Variants in RTN1 observed in about 807,000 individuals in gnomAD.
The protein encoded by RTN1 is reticulon 1, also known as reticulon-1.
RTN1 carries 25 observed loss-of-function variants against 65.5 expected under a neutral mutation model. The ratio of observed to expected loss-of-function variants is 0.38; its 90% CI spans 0.28 to 0.53. The LOEUF (loss-of-function observed/expected upper bound fraction) is 0.53, where lower values mean the gene tolerates loss of function less well. RTN1 is among the 20% of genes least tolerant of loss of function. The pLI, the probability that RTN1 is intolerant of heterozygous loss-of-function variation, is 0.79. For synonymous variants in RTN1, 471 were observed against 447.6 expected (o/e 1.05, Z -0.66); for missense variants, 983 against 1,025.4 (o/e 0.96, Z 0.57).
intron 1 of RTN1, among the ~76,000 whole-genome samples, chr14:59,812,375 T>C (rs1468702255): frequency 6.6e-6 from 1 of 152,142 alleles, no homozygotes; most frequent in Non-Finnish European, 1.5e-5. Context: ...GGTTAAGAAA[T>C]ACATAAATAT....
chr14:59,797,637 T>C (rs1886464350), intron 1 of RTN1, among the ~76,000 whole-genome samples: 1 of 152,206 alleles, frequency 6.6e-6, no homozygotes, highest in Non-Finnish European at 1.5e-5. Context: ...ACTAAATATC[T>C]GCCCTTGTGA....
chr14:59,684,023 T>G (rs1883796835), intron 3 of RTN1, among the ~76,000 whole-genome samples: 1 of 152,078 alleles, frequency 6.6e-6, no homozygotes, highest in Non-Finnish European at 1.5e-5. Flanking sequence ...TAAAGTTTTC[T>G]AATGACCAAG....
chr14:59,609,215 G>A (rs1483826544), intron 3 of RTN1, among the ~76,000 whole-genome samples: 1 of 151,728 alleles, frequency 6.6e-6, no homozygotes, highest in East Asian at 1.9e-4. Context: ...AACCCAGGAG[G>A]CAGAGGTTGT....
At chr14:59,684,706 T>G (rs989454415) in intron 3 of RTN1, among the ~76,000 whole-genome samples, 1 of 152,140 alleles carries the variant, frequency 6.6e-6, no homozygotes. Context: ...CTTGAGATTT[T>G]TTTTATATGG....
Position 59,766,093 on chromosome 14 carries a change from G to C in RTN1, c.242-19612C>G, listed in dbSNP as rs1469784043. Among the ~76,000 whole-genome samples the C allele has an allele frequency of 6.6e-6, 1 of 152,156 alleles. No homozygotes were observed. The highest frequency in any genetic ancestry group is 2.1e-4 in the South Asian group (1 of 4,826). ...AAAAATACAAAAATTAGTCGGGCTT[G>C]GTGGTACACACTTGTAGTCCCAGCT... On this transcript the variant is annotated intron_variant, in intron 1 of 8. Coordinates refer to ENST00000267484, the MANE Select transcript of RTN1 (RefSeq NM_021136.3). This position sits in a 1 kb window ranked among gnomAD's most constrained non-coding sequence, Gnocchi z 4.4.
chr14:59,643,441 G>A lies in RTN1; in HGVS notation c.1766-35949C>T, dbSNP rs189481257. On this transcript the variant is annotated intron_variant, in intron 3 of 8. Coordinates refer to ENST00000267484, the MANE Select transcript of RTN1 (RefSeq NM_021136.3). ...CACCATCTTGGTCAGGCTGGTCTCGGACTCCTGACCTCATGACCCATCCGC... is the reference window on the plus strand; with the variant it reads ...CACCATCTTGGTCAGGCTGGTCTCGAACTCCTGACCTCATGACCCATCCGC... Among the ~76,000 whole-genome samples the A allele has an allele frequency of 4.7e-4, 72 of 152,184 alleles. No individual in the cohort carries two copies. The South Asian group carries it at 6.8e-3, about 14-fold the overall frequency.
At chr14:59,833,796 G>C (rs1441792881) in intron 1 of RTN1, among the ~76,000 whole-genome samples, 2 of 152,096 alleles carry the variant, frequency 1.3e-5, no homozygotes, top group Non-Finnish European at 2.9e-5. Context: ...CATTTATTCA[G>C]TGCACAAACA....
chr14:59,616,085 A>G lies in RTN1; in HGVS notation c.1766-8593T>C, dbSNP rs563008856. ...ATATTAGGTCCTCTAAAGTCCAAAA[A>G]TAACATTTGGCTTATTTGGTACAAA... On this transcript the variant is annotated intron_variant, in intron 3 of 8. Coordinates refer to ENST00000267484, the MANE Select transcript of RTN1 (RefSeq NM_021136.3). Among the ~76,000 whole-genome samples the G allele has an allele frequency of 3.3e-5, 5 of 152,304 alleles. No homozygotes were observed. The South Asian group carries it at 1.0e-3, about 32-fold the overall frequency.
intron 1 of RTN1, among the ~76,000 whole-genome samples, chr14:59,810,847 G>A (rs893533000): frequency 3.9e-5 from 6 of 152,126 alleles, no homozygotes; most frequent in Admixed American, 1.3e-4. Context: ...CTGAAGCATC[G>A]AGTGTGAACC....
rs1022088258 is a variant in RTN1 at position 59,694,021 on chromosome 14, C to T, written c.1765+32898G>A. Among the ~76,000 whole-genome samples, 5 of 152,182 alleles carry T rather than the reference C, an allele frequency of 3.3e-5. No homozygotes were observed. In the East Asian group the frequency reaches 9.6e-4, roughly 29 times the overall value. ...AGTTTTTTAGTTCCCTTCACCTCAA[C>T]CTCAATTTGGTTTAAAGGAGATGTA... On this transcript the variant is annotated intron_variant, in intron 3 of 8. Transcript: ENST00000267484.
intron 1 of RTN1, among the ~76,000 whole-genome samples, chr14:59,750,470 A>G (rs1213917957): frequency 4.1e-5 from 3 of 73,264 alleles, no homozygotes. Flanking sequence ...TATCTATAAT[A>G]TATAATATAT....
At chr14:59,750,423 A>AATATATCTATAATAT (rs1885469819) in intron 1 of RTN1, among the ~76,000 whole-genome samples, 3 of 63,692 alleles carry the variant, frequency 4.7e-5, no homozygotes, top group African/African-American at 2.1e-4. Context: ...TATAATATAT[A>AATATATCTATAATAT]ATATATCTAT....
chr14:59,863,648 C>G (rs1429171736), intron 1 of RTN1, among the ~76,000 whole-genome samples: 1 of 152,136 alleles, frequency 6.6e-6, no homozygotes, highest in Non-Finnish European at 1.5e-5. Flanking sequence ...CCAACAACTC[C>G]CAATGTATAT....
At chr14:59,855,093 AAC>A (rs1229112381) in intron 1 of RTN1, among the ~76,000 whole-genome samples, 3 of 152,240 alleles carry the variant, frequency 2.0e-5, no homozygotes, top group African/African-American at 7.2e-5. Flanking sequence ...GCATTTAGCA[AAC>A]ATGAGGCAAT....
At chr14:59,728,642 T>C (rs1884834353) in intron 2 of RTN1, among the ~76,000 whole-genome samples, 1 of 152,202 alleles carries the variant, frequency 6.6e-6, no homozygotes, top group Non-Finnish European at 1.5e-5. Flanking sequence ...TAGTGGGATC[T>C]GGTCCTTTTG....
At chr14:59,702,807 A>T (rs1884207998) in intron 3 of RTN1, among the ~76,000 whole-genome samples, 1 of 152,134 alleles carries the variant, frequency 6.6e-6, no homozygotes, top group Non-Finnish European at 1.5e-5. Context: ...CTTTCACCCC[A>T]TGGGGGTCCC....
intron 3 of RTN1, among the ~76,000 whole-genome samples, chr14:59,678,711 A>G (rs1444917959): frequency 1.3e-5 from 2 of 152,060 alleles, no homozygotes; most frequent in Non-Finnish European, 2.9e-5. Flanking sequence ...CACTGTCCCC[A>G]TTGTCCTTAG....
At chr14:59,837,034 C>CATATATATAT (rs71451081) in intron 1 of RTN1, among the ~76,000 whole-genome samples, 1 of 129,132 alleles carries the variant, frequency 7.7e-6, no homozygotes, top group East Asian at 3.2e-4. Flanking sequence ...TAAGTATGGC[C>CATATATATAT]ATATATATAT....
At chr14:59,687,194 G>A (rs1202857858) in intron 3 of RTN1, among the ~76,000 whole-genome samples, 1 of 152,186 alleles carries the variant, frequency 6.6e-6, no homozygotes, top group Non-Finnish European at 1.5e-5. Flanking sequence ...CTGAGATCAT[G>A]GTGGCAGGGT....
Sources: gnomAD v4.1 joint callset for allele counts (sites outside exome capture counted in the v4.1 genomes callset) on GRCh38, gnomAD v4.1.1 for gene constraint, Gnocchi (gnomAD v3.1) non-coding constraint, MANE v1.5 for transcripts, NCBI Gene and HGNC (gene_info 2026-07-23, HGNC 2026-07-21) for gene names.